Variants in VPS13B observed in about 807,000 individuals in gnomAD.
VPS13B encodes the protein intermembrane lipid transfer protein VPS13B.
VPS13B carries 285 observed loss-of-function variants against 426.4 expected under a neutral mutation model. The ratio of observed to expected loss-of-function variants is 0.67; its 90% confidence interval spans 0.61 to 0.74. The LOEUF is 0.74. VPS13B is among the 30% of genes least tolerant of loss of function. The pLI is 0.00. For missense variants in VPS13B, 4,537 were observed against 4,782.6 expected (o/e 0.95, Z 1.51); for synonymous variants, 1,676 against 1,676.4 (o/e 1.00, Z 0.01).
At chr8:99,783,727 G>A (rs1460572055) in intron 42 of VPS13B, among the ~76,000 whole-genome samples, 1 of 152,190 alleles carries the variant, frequency 6.6e-6, no homozygotes, top group Non-Finnish European at 1.5e-5. Context: ...TGACTCTGGA[G>A]TTGATCTGTT....
intron 30 of VPS13B, among the ~76,000 whole-genome samples, chr8:99,531,518 T>C (rs889229782): frequency 3.9e-5 from 6 of 152,158 alleles, no homozygotes; most frequent in Admixed American, 3.3e-4. Flanking sequence ...CTCAAAATTA[T>C]GAAAGAAAAA....
chr8:99,065,692 G>T (rs1320162320), intron 3 of VPS13B, among the ~76,000 whole-genome samples: 2 of 152,168 alleles, frequency 1.3e-5, no homozygotes, highest in African/African-American at 4.8e-5. Flanking sequence ...GTTGTATTCA[G>T]TTAGGAAAAG....
chr8:99,295,000 T>A (rs988356563), intron 19 of VPS13B, among the ~76,000 whole-genome samples: 1 of 152,172 alleles, frequency 6.6e-6, no homozygotes, highest in Non-Finnish European at 1.5e-5. Flanking sequence ...GTTAAAAATA[T>A]TTGTTGGTAT....
intron 39 of VPS13B, among the ~76,000 whole-genome samples, chr8:99,723,623 T>A (rs117227846): frequency 0.035 from 5,279 of 152,188 alleles, 132 homozygotes; most frequent in Non-Finnish European, 0.05. Context: ...TGGAGTATGA[T>A]GGATGACTCT....
Position 99,310,501 on chromosome 8 carries a change from G to A in VPS13B, c.2824+35247G>A, listed in dbSNP as rs376838617. On this transcript the variant is annotated intron_variant, in intron 19 of 61. Transcript: ENST00000357162. ...TACTGGATTATGTTTATTGATTTGC[G>A]TATGTTGAACCAGCCTTGCATCCCA... Among the ~76,000 whole-genome samples, 59 of 152,196 alleles carry A rather than the reference G, an allele frequency of 3.9e-4. 1 individual carries two copies. Among genetic ancestry groups the A allele is most frequent in the Middle Eastern group, 3.4e-3 (1 of 294 alleles).
chr8:99,439,422 G>C (rs772882225), intron 22 of VPS13B, among the ~76,000 whole-genome samples: 1 of 152,034 alleles, frequency 6.6e-6, no homozygotes, highest in Non-Finnish European at 1.5e-5. Context: ...TTTTGTCTCT[G>C]TATTCCTGAC....
intron 23 of VPS13B, among the ~76,000 whole-genome samples, chr8:99,446,882 A>G (rs1817946372): frequency 6.6e-6 from 1 of 152,198 alleles, no homozygotes; most frequent in South Asian, 2.1e-4. Context: ...ACCGCAAATT[A>G]GTTTTCCTGT....
chr8:99,699,351 A>G (rs532571587), intron 35 of VPS13B, among the ~76,000 whole-genome samples, 174 bp from the exon 36 acceptor site: 1 of 152,110 alleles, frequency 6.6e-6, no homozygotes, highest in Non-Finnish European at 1.5e-5. Context: ...CCTTCAAGTA[A>G]CAACATGGAA....
At chr8:99,438,464 C>G (rs1817514989) in intron 22 of VPS13B, among the ~76,000 whole-genome samples, 1 of 152,132 alleles carries the variant, frequency 6.6e-6, no homozygotes, top group African/African-American at 2.4e-5. Context: ...ATTTTGCACA[C>G]AGGCCCACAT....
At chr8:99,707,825 G>A (rs1281827244) in intron 36 of VPS13B, among the ~76,000 whole-genome samples, 1 of 152,110 alleles carries the variant, frequency 6.6e-6, no homozygotes, top group Non-Finnish European at 1.5e-5. Flanking sequence ...ACTGTATGGT[G>A]GAGTTGAGAC....
At chr8:99,387,056 A>G (rs1221365715) in intron 20 of VPS13B, among the ~76,000 whole-genome samples, 1 of 152,354 alleles carries the variant, frequency 6.6e-6, no homozygotes, top group South Asian at 2.1e-4. Flanking sequence ...ATATGTCTCC[A>G]TACCTAAATC....
chr8:99,254,361 C>A (rs929177588), intron 17 of VPS13B, among the ~76,000 whole-genome samples: 1 of 151,692 alleles, frequency 6.6e-6, no homozygotes, highest in Non-Finnish European at 1.5e-5. Context: ...AAATGTCATG[C>A]TATTTCCTCC....
chr8:99,550,230 A>G (rs1229423787), intron 30 of VPS13B, among the ~76,000 whole-genome samples: 1 of 152,102 alleles, frequency 6.6e-6, no homozygotes, highest in Admixed American at 6.6e-5. Context: ...GCTTTATACC[A>G]CTTACTACTT....
chr8:99,745,513 C>G (rs1310137410), intron 39 of VPS13B, among the ~76,000 whole-genome samples: 1 of 152,022 alleles, frequency 6.6e-6, no homozygotes, highest in Admixed American at 6.6e-5. Context: ...GTATATTAAT[C>G]TTTTGCTGAG....
At chr8:99,468,674 C>T (rs572491348) in intron 24 of VPS13B, among the ~76,000 whole-genome samples, 24 of 152,040 alleles carry the variant, frequency 1.6e-4, no homozygotes, top group African/African-American at 2.9e-4. Context: ...TGATTGCACC[C>T]GGGAATAGCC....
intron 39 of VPS13B, among the ~76,000 whole-genome samples, chr8:99,730,913 C>T (rs779034570): frequency 5.9e-5 from 9 of 151,834 alleles, no homozygotes; most frequent in East Asian, 3.9e-4. Context: ...CCTTTTTAAA[C>T]GAAGCTTACA....
Position 99,791,720 on chromosome 8 carries a change from TAAAAAAA to T in VPS13B, c.7941+7261_7941+7267del, listed in dbSNP as rs1163608239. Among the ~76,000 whole-genome samples, 10 of 90,070 alleles carry T rather than the reference TAAAAAAA, an allele frequency of 1.1e-4. No individual in the cohort carries two copies. In the South Asian group the frequency reaches 2.3e-3, roughly 20 times the overall value. The allele number at this position is 90,070 out of a possible 152,430, so 59.1% of individuals were successfully genotyped here. A position where few individuals can be genotyped will look rare whatever the true frequency, so the allele number is the denominator to read the frequency against. On this transcript the variant is annotated intron_variant, in intron 43 of 61. Transcript: ENST00000357162. Reference sequence around the variant, plus strand: ...ACAGCAACACATTCTGAACAGAACTTAAAAAAAAAAAAAAAAAAAAAAACTACCTGAA... The same window carrying T: ...ACAGCAACACATTCTGAACAGAACTTAAAAAAAAAAAAAAAACTACCTGAA...
At chr8:99,834,371 C>G (rs567458902) in intron 52 of VPS13B, among the ~76,000 whole-genome samples, 1 of 152,190 alleles carries the variant, frequency 6.6e-6, no homozygotes, top group South Asian at 2.1e-4. Context: ...TTTCTAGCTC[C>G]AAATAATACA....
chr8:99,520,775 C>A, intron 29 of VPS13B, 124 bp from the exon 30 acceptor site: 1 of 592,054 alleles, frequency 1.7e-6, no homozygotes. Context: ...TTTCATTTTA[C>A]TTTTTCTTAT....
Sources: allele counts gnomAD v4.1 joint callset (sites outside exome capture counted in the v4.1 genomes callset), GRCh38; gene constraint gnomAD v4.1.1; transcripts MANE v1.5; gene names NCBI Gene and HGNC (gene_info 2026-07-23, HGNC 2026-07-21).